Variants in TMEM177 observed in about 807,000 individuals in gnomAD.
The protein encoded by TMEM177 is transmembrane protein 177.
A neutral mutation model predicts 14.2 loss-of-function variants in TMEM177; 4 were observed. The observed-to-expected ratio is 0.28, with a 90% confidence interval of 0.14 to 0.64. The LOEUF (loss-of-function observed/expected upper bound fraction) is 0.64. Among genes scored for constraint, TMEM177 ranks in the 30% least tolerant of loss-of-function variants. The probability of loss-of-function intolerance (pLI) is 0.82; values close to 1 mark genes in which losing one functional copy is unlikely to be tolerated. For missense variants in TMEM177, 344 were observed against 405.2 expected, an observed-to-expected ratio of 0.85 and a Z score of 1.30; for synonymous variants, 179 against 174.5, an observed-to-expected ratio of 1.03 and a Z score of -0.20.
downstream of TMEM177, among the ~76,000 whole-genome samples, chr2:119,688,957 G>A (rs1689057644): frequency 6.6e-6 from 1 of 152,194 alleles, no homozygotes; most frequent in African/African-American, 2.4e-5. Context: ...TGCTGCAAGT[G>A]GATCGTGGGA....
chr2:119,701,430 G>A, the TMEM177 span, among the ~76,000 whole-genome samples: 3 of 152,158 alleles, frequency 2.0e-5, no homozygotes, highest in African/African-American at 4.8e-5. Context: ...GCAGGACCGC[G>A]AGTGGGTTGA....
Position 119,681,128 on chromosome 2 carries a change from G to T in TMEM177, c.275G>T (p.Ser92Ile). 6.2e-7 allele frequency: 1 copy of T among 1,614,246 alleles called. No individual in the cohort carries two copies. Among genetic ancestry groups the T allele is most frequent in the Non-Finnish European group, 8.5e-7 (1 of 1,180,030 alleles). The stretch of plus-strand genomic sequence containing the variant: ...ACCACCTTCACCTTCCAACCTGTGA[G>T]TGCAGGCTTCCCAAGACTCCCTGCT... ...PFTTFTFQPV[S>I]AGFPRLPAGA... The change falls in exon 2 of 2, where the codon AGT becomes ATT. Residue 92 changes from serine (S) to isoleucine (I), a missense_variant. Transcript: ENST00000272521.
the TMEM177 span, among the ~76,000 whole-genome samples, chr2:119,706,306 G>A: frequency 7.2e-5 from 11 of 152,216 alleles, no homozygotes; most frequent in Middle Eastern, 3.4e-3. Context: ...GATTACAGGC[G>A]TGAGCCACAG....
At chr2:119,687,121 G>C (rs1689028189), downstream of TMEM177, among the ~76,000 whole-genome samples, 2 of 152,176 alleles carry the variant, frequency 1.3e-5, no homozygotes, top group African/African-American at 2.4e-5. Flanking sequence ...TATGACTTCT[G>C]TCTTGCTAAG....
the TMEM177 span, chr2:119,699,946 G>A: frequency 2.3e-6 from 1 of 425,806 alleles, no homozygotes; most frequent in African/African-American, 2.0e-5. Flanking sequence ...TTTGGTCATT[G>A]AGCACATCCA....
chr2:119,683,873 CT>C (rs1235648884), downstream of TMEM177, among the ~76,000 whole-genome samples: 1 of 152,214 alleles, frequency 6.6e-6, no homozygotes, highest in East Asian at 1.9e-4. Flanking sequence ...GAGAGCCCCC[CT>C]GGCAGGTTGG....
downstream of TMEM177, among the ~76,000 whole-genome samples, chr2:119,688,997 A>T (rs917823559): frequency 7.9e-5 from 12 of 151,608 alleles, no homozygotes; most frequent in Non-Finnish European, 1.6e-4. Context: ...TGGCTCGAGA[A>T]CTCCCCAGTG....
downstream of TMEM177, chr2:119,682,126 G>GT (rs34879718): frequency 0.017 from 2,383 of 141,856 alleles, 155 homozygotes; most frequent in Middle Eastern, 0.035. Context: ...CTTCTTGGTC[G>GT]TTTTTTTTTT....
chr2:119,692,112 T>G, the TMEM177 span, among the ~76,000 whole-genome samples: 25 of 152,164 alleles, frequency 1.6e-4, no homozygotes, highest in African/African-American at 5.5e-4. Context: ...TTCCTCTACC[T>G]CCTAACAACT....
chr2:119,680,466 T>C (rs1161387616), intron 1 of TMEM177, among the ~76,000 whole-genome samples: 2 of 152,184 alleles, frequency 1.3e-5, no homozygotes, highest in Non-Finnish European at 2.9e-5. Context: ...GGCTTTACCA[T>C]GGGATGAGTG....
chr2:119,709,836 C>A, the TMEM177 span, among the ~76,000 whole-genome samples: 142,003 of 152,196 alleles, frequency 0.93, 66,552 homozygotes, highest in East Asian at 1. Flanking sequence ...AATAAATAAA[C>A]AAATAAATAA....
At position 119,679,296 on chromosome 2, in the gene TMEM177, G is replaced by A. The variant is rs1209073728; in HGVS notation, c.-23+20G>A. ...GACCCGGTAACGCGTTCAGACTGCGGAGTAGCCTAGGGGCCCAGAGTGGAA... is the reference window on the plus strand; with the variant it reads ...GACCCGGTAACGCGTTCAGACTGCGAAGTAGCCTAGGGGCCCAGAGTGGAA... On this transcript the variant is annotated intron_variant, in intron 1 of 1. Transcript: ENST00000272521. 1 of 152,222 alleles carries A rather than the reference G, an allele frequency of 6.6e-6. No homozygotes were observed. The highest frequency in any genetic ancestry group is 2.4e-5 in the African/African-American group (1 of 41,460). 9.4% of individuals were successfully genotyped at this position (152,222 alleles called of 1,614,324 possible). A position where few individuals can be genotyped will look rare whatever the true frequency, so the allele number is the denominator to read the frequency against.
chr2:119,684,446 G>A (rs567766389), downstream of TMEM177, among the ~76,000 whole-genome samples: 8 of 152,250 alleles, frequency 5.3e-5, no homozygotes, highest in African/African-American at 1.2e-4. Flanking sequence ...TGGAGCTAGC[G>A]GCTTAGCATC....
the TMEM177 span, among the ~76,000 whole-genome samples, chr2:119,718,052 G>A: frequency 2.0e-5 from 3 of 152,280 alleles, no homozygotes; most frequent in South Asian, 6.2e-4. Context: ...CCAAGGGAGT[G>A]GGGGCACAAA....
chr2:119,680,182 C>G (rs1177720110), intron 1 of TMEM177, among the ~76,000 whole-genome samples: 1 of 152,158 alleles, frequency 6.6e-6, no homozygotes, highest in African/African-American at 2.4e-5. Flanking sequence ...ACCCTGTCTC[C>G]AAATACAGCC....
the TMEM177 span, among the ~76,000 whole-genome samples, chr2:119,702,930 G>A: frequency 1.3e-5 from 2 of 152,214 alleles, no homozygotes; most frequent in African/African-American, 4.8e-5. Flanking sequence ...CCAGAGCCTG[G>A]GTGCATACTA....
the TMEM177 span, among the ~76,000 whole-genome samples, chr2:119,710,064 A>T: frequency 1.3e-5 from 2 of 152,180 alleles, no homozygotes; most frequent in Non-Finnish European, 2.9e-5. Flanking sequence ...TTGGAACTAG[A>T]TAGAAGTGGT....
the TMEM177 span, among the ~76,000 whole-genome samples, chr2:119,715,705 G>A: frequency 1.8e-4 from 27 of 152,314 alleles, no homozygotes; most frequent in African/African-American, 6.3e-4. Flanking sequence ...GCGGAACTTC[G>A]GCTTCCCTTG....
chr2:119,687,261 A>G (rs1263035520), downstream of TMEM177, among the ~76,000 whole-genome samples: 2 of 152,224 alleles, frequency 1.3e-5, no homozygotes, highest in Middle Eastern at 3.2e-3. Flanking sequence ...CCCTTGGGCC[A>G]CAAGGCACTG....
Sources: gnomAD v4.1 joint callset for allele counts (sites outside exome capture counted in the v4.1 genomes callset) on GRCh38, gnomAD v4.1.1 for gene constraint, MANE v1.5 for transcripts, NCBI Gene and HGNC (gene_info 2026-07-23, HGNC 2026-07-21) for gene names.